Variants in TBCEL observed in about 807,000 individuals in gnomAD.
TBCEL encodes the protein tubulin folding cofactor E like.
TBCEL carries 15 observed loss-of-function variants against 44.2 expected under a neutral mutation model. The ratio of observed to expected loss-of-function variants is 0.34; its 90% CI spans 0.23 to 0.52. TBCEL has a LOEUF of 0.52. Ranked by LOEUF, TBCEL falls within the 20% of genes least tolerant of loss-of-function variation. The pLI is 0.95. For missense variants in TBCEL, 319 were observed against 506.3 expected (o/e 0.63, Z 3.55); for synonymous variants, 171 against 185.4 (o/e 0.92, Z 0.63).
chr11:121,085,070 ACT>A (rs1437782558), intron 8 of TBCEL, among the ~76,000 whole-genome samples: 1 of 151,576 alleles, frequency 6.6e-6, no homozygotes, highest in South Asian at 2.1e-4. Flanking sequence ...ATGGAGTCTC[ACT>A]CTGTCACCCA....
intron 1 of TBCEL, among the ~76,000 whole-genome samples, chr11:121,031,707 C>T (rs1945148863): frequency 7.1e-6 from 1 of 141,638 alleles, no homozygotes; most frequent in Non-Finnish European, 1.5e-5. Context: ...GCTCTGTTGC[C>T]AGGCTCGAGT....
chr11:121,084,578 A>T (rs1216126017), intron 8 of TBCEL, among the ~76,000 whole-genome samples: 3 of 152,112 alleles, frequency 2.0e-5, no homozygotes, highest in African/African-American at 7.2e-5. Context: ...ACTTGTCTTC[A>T]TGTCATCTCT....
At chr11:121,061,376 G>GAC (rs1462271041) in intron 8 of TBCEL, among the ~76,000 whole-genome samples, 8 of 151,912 alleles carry the variant, frequency 5.3e-5, no homozygotes, top group African/African-American at 1.9e-4. Flanking sequence ...TATGTAGACA[G>GAC]ACACACACAT....
At position 121,055,298 on chromosome 11, in the gene TBCEL, C is replaced by T. The variant is rs1484074081; in HGVS notation, c.702C>T (p.Leu234=). 1 of 1,608,256 alleles carries T rather than the reference C, an allele frequency of 6.2e-7. No homozygotes were observed. Among genetic ancestry groups the T allele is most frequent in the Non-Finnish European group, 8.5e-7 (1 of 1,176,974 alleles). ...TTCCTAATCTTCGATCCATCAGCCT[C>T]CACAAGTCAGGTGAGGTTCAGGCTT... ...RLFPNLRSIS[L]HKSGLQSWED... Residue 234 remains leucine, a synonymous_variant, in exon 6 of 9, where the codon CTC becomes CTT. Transcript: ENST00000683345.
In TBCEL at chr11:121,049,515, A is replaced by G. The variant is rs558704571; in HGVS notation, c.273+1848A>G. Reference sequence around the variant, plus strand: ...CTATTTCTAAGTGATTTATTAACATATGCAAATTTATAGGGCTATTCTAAA... The same window carrying G: ...CTATTTCTAAGTGATTTATTAACATGTGCAAATTTATAGGGCTATTCTAAA... On this transcript the variant is annotated intron_variant, in intron 4 of 8. Transcript: ENST00000683345. Among the ~76,000 whole-genome samples, 154 of 151,932 alleles carry G rather than the reference A, an allele frequency of 1.0e-3. 1 individual carries two copies. Among genetic ancestry groups the G allele is most frequent in the Middle Eastern group, 6.8e-3 (2 of 294 alleles).
intron 8 of TBCEL, among the ~76,000 whole-genome samples, chr11:121,078,846 T>C (rs989134399): frequency 6.6e-6 from 1 of 152,228 alleles, no homozygotes; most frequent in Non-Finnish European, 1.5e-5. Context: ...CTTATCATTT[T>C]TGAGACTGGC....
At chr11:121,083,045 G>GCTAAA (rs1946154569) in intron 8 of TBCEL, among the ~76,000 whole-genome samples, 1 of 152,190 alleles carries the variant, frequency 6.6e-6, no homozygotes, top group Non-Finnish European at 1.5e-5. Context: ...ACTGATAGAA[G>GCTAAA]CTAAATCTCA....
At chr11:121,082,608 C>A (rs749578861) in intron 8 of TBCEL, among the ~76,000 whole-genome samples, 1 of 152,082 alleles carries the variant, frequency 6.6e-6, no homozygotes, top group Non-Finnish European at 1.5e-5. Flanking sequence ...TATAACAAAC[C>A]CTGTGGCTAT....
At chr11:121,035,509 C>A (rs1390935977) in intron 1 of TBCEL, 1 of 149,196 alleles carries the variant, frequency 6.7e-6, no homozygotes, top group Non-Finnish European at 1.5e-5. Flanking sequence ...ACTTTTGCAA[C>A]CTTTATGCGT....
chr11:121,047,473 A>G (rs1170140273), intron 3 of TBCEL, 55 bp from the exon 4 acceptor site: 3 of 1,602,344 alleles, frequency 1.9e-6, no homozygotes, highest in African/African-American at 1.3e-5. Context: ...GGCTGAACAT[A>G]TGTAGACAAG....
At chr11:121,061,582 C>A (rs1945723466) in intron 8 of TBCEL, among the ~76,000 whole-genome samples, 1 of 152,024 alleles carries the variant, frequency 6.6e-6, no homozygotes, top group East Asian at 1.9e-4. Flanking sequence ...CCTATTACTC[C>A]TAGGCTATAA....
intron 1 of TBCEL, among the ~76,000 whole-genome samples, chr11:121,031,741 T>C (rs2134880439): frequency 1.4e-5 from 2 of 147,780 alleles, no homozygotes; most frequent in South Asian, 4.4e-4. Flanking sequence ...CTCTGCTCAC[T>C]GCAACCTTCA....
chr11:121,033,868 C>G (rs1026938052), intron 1 of TBCEL, among the ~76,000 whole-genome samples: 8 of 152,106 alleles, frequency 5.3e-5, no homozygotes, highest in African/African-American at 1.9e-4. Context: ...GAACTTACCA[C>G]TCTAGTTACC....
chr11:121,046,849 A>G (rs954321875), intron 3 of TBCEL, among the ~76,000 whole-genome samples: 3 of 152,116 alleles, frequency 2.0e-5, no homozygotes, highest in Admixed American at 2.0e-4. Context: ...ATTCAATGTT[A>G]ATAGTTTAAG....
intron 8 of TBCEL, among the ~76,000 whole-genome samples, chr11:121,076,000 A>G (rs983055960): frequency 6.6e-6 from 1 of 151,934 alleles, no homozygotes; most frequent in Non-Finnish European, 1.5e-5. Flanking sequence ...TAAACTAATC[A>G]TATAGGTGGC....
At chr11:121,040,235 C>T (rs930813000) in intron 2 of TBCEL, among the ~76,000 whole-genome samples, 3 of 152,186 alleles carry the variant, frequency 2.0e-5, no homozygotes, top group Non-Finnish European at 4.4e-5. Flanking sequence ...AGGCATCACA[C>T]CTCCTTAGCT....
chr11:121,078,796 A>G lies in TBCEL; in HGVS notation c.957-7982A>G, dbSNP rs76296557. Among the ~76,000 whole-genome samples, 790 of 152,254 alleles carry G rather than the reference A, an allele frequency of 5.2e-3. 5 individuals carry two copies. The highest frequency in any genetic ancestry group is 0.017 in the African/African-American group (727 of 41,548). On this transcript the variant is annotated intron_variant, in intron 8 of 8. Transcript: ENST00000683345. ...CTGGAGGTCTTGTAGTTTTAGTTCT[A>G]TGATTTGTATTTCTGTTCAGTTTCT...
chr11:121,064,322 G>A (rs1945778559), intron 8 of TBCEL, among the ~76,000 whole-genome samples: 1 of 152,178 alleles, frequency 6.6e-6, no homozygotes, highest in Non-Finnish European at 1.5e-5. Flanking sequence ...AGAGTTAAAT[G>A]GGAATATGAT....
chr11:121,075,888 T>G (rs1268252961), intron 8 of TBCEL, among the ~76,000 whole-genome samples: 1 of 151,970 alleles, frequency 6.6e-6, no homozygotes, highest in Non-Finnish European at 1.5e-5. Context: ...AGGATACGGA[T>G]TAAGTGTTTT....
Sources: allele counts gnomAD v4.1 joint callset (sites outside exome capture counted in the v4.1 genomes callset), GRCh38; gene constraint gnomAD v4.1.1; transcripts MANE v1.5; gene names NCBI Gene and HGNC (gene_info 2026-07-23, HGNC 2026-07-21).